Variants in RALGPS1 observed in about 807,000 individuals in gnomAD.
The protein encoded by RALGPS1 is Ral GEF with PH domain and SH3 binding motif 1.
RALGPS1 carries 19 observed loss-of-function variants against 78.8 expected under a neutral mutation model. The observed-to-expected ratio is 0.24, with a 90% CI of 0.17 to 0.35. RALGPS1 has a LOEUF of 0.35. Ranked by LOEUF, RALGPS1 falls within the 10% of genes least tolerant of loss-of-function variation. The pLI is 1.00. For synonymous variants in RALGPS1, 228 were observed against 256.3 expected, an observed-to-expected ratio of 0.89 and a Z score of 1.06; for missense variants, 454 against 688.3, an observed-to-expected ratio of 0.66 and a Z score of 3.81.
intron 2 of RALGPS1, among the ~76,000 whole-genome samples, chr9:126,965,156 G>T (rs2039350078): frequency 6.6e-6 from 1 of 152,198 alleles, no homozygotes; most frequent in South Asian, 2.1e-4. Context: ...CATGCAGGAT[G>T]CAGAGCGTCC....
intron 4 of RALGPS1, among the ~76,000 whole-genome samples, chr9:127,006,500 C>G (rs1188102872): frequency 1.3e-5 from 2 of 152,038 alleles, no homozygotes; most frequent in African/African-American, 4.8e-5. Context: ...GCAGGTTGAC[C>G]AAATGTCAAG....
chr9:127,195,272 C>T, intron 12 of RALGPS1, 55 bp downstream of exon 12: 2 of 1,591,538 alleles, frequency 1.3e-6, no homozygotes, highest in Non-Finnish European at 1.7e-6. Flanking sequence ...GCACATGGGC[C>T]TGGGCACAGT....
At chr9:127,105,926 C>T (rs541559183) in intron 8 of RALGPS1, among the ~76,000 whole-genome samples, 1 of 152,314 alleles carries the variant, frequency 6.6e-6, no homozygotes, top group East Asian at 1.9e-4. Flanking sequence ...ATGTTTCATG[C>T]TTGATTGTAT....
intron 4 of RALGPS1, among the ~76,000 whole-genome samples, chr9:127,021,182 G>A (rs1234918650): frequency 2.6e-5 from 4 of 152,094 alleles, no homozygotes; most frequent in Non-Finnish European, 5.9e-5. Flanking sequence ...GAGCCCAGGA[G>A]TTTAAGGCCA....
In RALGPS1 at chr9:127,212,608, G is replaced by A; in HGVS notation, c.1354-19G>A. 6.3e-7 allele frequency: 1 copy of A among 1,575,124 alleles called. No homozygotes were observed. Among genetic ancestry groups the A allele is most frequent in the Non-Finnish European group, 8.7e-7 (1 of 1,149,846 alleles). ...CCACGACCCCTGGTGGCATCACTCAGCCTCCCCTTCCTCTGTAGCTGTCCT... is the reference window on the plus strand; with the variant it reads ...CCACGACCCCTGGTGGCATCACTCAACCTCCCCTTCCTCTGTAGCTGTCCT... On this transcript the variant is annotated intron_variant, in intron 15 of 18. Coordinates refer to ENST00000259351, the MANE Select transcript of RALGPS1 (RefSeq NM_014636.3). The surrounding 1 kb of genome is among the most constrained non-coding windows in gnomAD (Gnocchi z 6.0).
chr9:127,203,517 G>T (rs150233793), intron 14 of RALGPS1, among the ~76,000 whole-genome samples: 11 of 145,358 alleles, frequency 7.6e-5, no homozygotes, highest in African/African-American at 2.8e-4. Context: ...CGTAGGGGAT[G>T]GGGGGGTCCT....
chr9:127,091,575 G>T lies in RALGPS1; in HGVS notation c.610+22219G>T. ...TTGGCCCAGCTGCTTCTCACCCTGG[G>T]ATCTTCCCGTTTCCAAGCCCTGGAG... On this transcript the variant is annotated intron_variant, in intron 8 of 18. Coordinates refer to ENST00000259351, the MANE Select transcript of RALGPS1 (RefSeq NM_014636.3). This position sits in a 1 kb window ranked among gnomAD's most constrained non-coding sequence, Gnocchi z 4.3. 1.3e-6 allele frequency: 2 copies of T among 1,503,936 alleles called. No individual in the cohort carries two copies. The highest frequency in any genetic ancestry group is 1.8e-6 in the Non-Finnish European group (2 of 1,119,598). The allele number at this position is 1,503,936 out of a possible 1,614,324, so 93.2% of individuals were successfully genotyped here.
At chr9:127,128,005 C>T (rs898052780) in intron 8 of RALGPS1, among the ~76,000 whole-genome samples, 14 of 151,914 alleles carry the variant, frequency 9.2e-5, no homozygotes, top group African/African-American at 3.4e-4. Flanking sequence ...AGGTATTTCT[C>T]CTAATGCTAT....
At chr9:127,101,443 G>A (rs142218867) in intron 8 of RALGPS1, among the ~76,000 whole-genome samples, 91 of 152,296 alleles carry the variant, frequency 6.0e-4, no homozygotes, top group Admixed American at 6.5e-5. Context: ...CACTCCATGA[G>A]TCCCTCAATG....
At chr9:127,180,980 C>G (rs2060181691) in intron 11 of RALGPS1, among the ~76,000 whole-genome samples, 1 of 152,242 alleles carries the variant, frequency 6.6e-6, no homozygotes, top group Non-Finnish European at 1.5e-5. Flanking sequence ...TTGCAGCCTC[C>G]TGCAGGGCAG....
chr9:126,938,790 G>A (rs183336375), intron 1 of RALGPS1, among the ~76,000 whole-genome samples: 1 of 152,242 alleles, frequency 6.6e-6, no homozygotes, highest in African/African-American at 2.4e-5. Context: ...AAGTCTAGAT[G>A]CTCTAAAAGC....
At chr9:127,100,207 T>A (rs1417256596) in intron 8 of RALGPS1, among the ~76,000 whole-genome samples, 2 of 152,224 alleles carry the variant, frequency 1.3e-5, no homozygotes, top group Admixed American at 6.5e-5. Context: ...CTTAGCCAAA[T>A]AATTTTAAAA....
intron 1 of RALGPS1, among the ~76,000 whole-genome samples, chr9:126,952,825 G>T (rs10123632): frequency 0.017 from 2,609 of 152,186 alleles, 69 homozygotes; most frequent in African/African-American, 0.057. Flanking sequence ...ATTTGTCTTT[G>T]TCTAGCTTCT....
intron 18 of RALGPS1, chr9:127,217,021 C>T: frequency 6.6e-7 from 1 of 1,510,220 alleles, no homozygotes; most frequent in Non-Finnish European, 8.9e-7. Flanking sequence ...ACCATGGTGG[C>T]CCCAGTCAGG....
At chr9:127,161,791 G>A (rs964458769) in intron 8 of RALGPS1, among the ~76,000 whole-genome samples, 2 of 152,144 alleles carry the variant, frequency 1.3e-5, no homozygotes, top group Non-Finnish European at 2.9e-5. Flanking sequence ...AAGAAGAACC[G>A]CCCATAGACA....
intron 14 of RALGPS1, among the ~76,000 whole-genome samples, chr9:127,209,992 G>A (rs1194108681): frequency 6.6e-6 from 1 of 152,218 alleles, no homozygotes; most frequent in African/African-American, 2.4e-5. Flanking sequence ...AAGTGGATAC[G>A]GGAAGTGAGT....
intron 3 of RALGPS1, among the ~76,000 whole-genome samples, chr9:126,973,767 A>AGG (rs1054424777): frequency 1.3e-5 from 2 of 151,802 alleles, no homozygotes; most frequent in African/African-American, 4.8e-5. Flanking sequence ...TCTCCTCCCA[A>AGG]CCCCCAGCAA....
intron 14 of RALGPS1, among the ~76,000 whole-genome samples, chr9:127,203,516 T>TG (rs71493878): frequency 0.017 from 2,607 of 149,984 alleles, 34 homozygotes; most frequent in Middle Eastern, 0.048. Flanking sequence ...GCGTAGGGGA[T>TG]GGGGGGGTCC....
chr9:126,968,310 T>A (rs550636993), intron 3 of RALGPS1, among the ~76,000 whole-genome samples: 84 of 152,166 alleles, frequency 5.5e-4, no homozygotes, highest in African/African-American at 2.0e-3. Context: ...TGACCAAGAG[T>A]TCAATTCTTA....
Sources: gnomAD v4.1 joint callset for allele counts (sites outside exome capture counted in the v4.1 genomes callset) on GRCh38, gnomAD v4.1.1 for gene constraint, Gnocchi (gnomAD v3.1) non-coding constraint, MANE v1.5 for transcripts, NCBI Gene and HGNC (gene_info 2026-07-23, HGNC 2026-07-21) for gene names.